Variants in POU2F1 observed in about 807,000 individuals in gnomAD.
POU2F1 encodes the protein POU class 2 homeobox 1.
In POU2F1, 16 loss-of-function variants were observed where a neutral mutation model predicts 84.9. That is an observed-to-expected ratio of 0.19 (90% CI 0.13 to 0.29). The LOEUF (loss-of-function observed/expected upper bound fraction) is 0.29, where lower values mean the gene tolerates loss of function less well. Ranked by LOEUF, POU2F1 falls within the 10% of genes least tolerant of loss-of-function variation. The pLI is 1.00. For synonymous variants in POU2F1, 368 were observed against 368.3 expected (o/e 1.00, Z 0.01); for missense variants, 738 against 942.6 (o/e 0.78, Z 2.84).
intron 13 of POU2F1, 81 bp downstream of exon 13, chr1:167,401,637 G>A: frequency 1.3e-6 from 1 of 788,600 alleles, no homozygotes; most frequent in Non-Finnish European, 1.9e-6. Context: ...CCATTAAATT[G>A]TGAATTAAGG....
At chr1:167,241,050 G>A (rs1649864677) in intron 1 of POU2F1, among the ~76,000 whole-genome samples, 2 of 152,158 alleles carry the variant, frequency 1.3e-5, no homozygotes, top group African/African-American at 4.8e-5. Flanking sequence ...GCTGAGGCGG[G>A]AGAATCACTT....
chr1:167,266,360 C>A (rs373218924), intron 1 of POU2F1, among the ~76,000 whole-genome samples: 17 of 152,090 alleles, frequency 1.1e-4, no homozygotes, highest in African/African-American at 3.4e-4. Context: ...GGTAGTAATT[C>A]TATTGTAAGG....
At chr1:167,357,388 CG>C (rs1557922308) in intron 2 of POU2F1, 3 of 91,046 alleles carry the variant, frequency 3.3e-5, no homozygotes, top group African/African-American at 1.3e-4. Context: ...CACCCCCCCC[CG>C]CTTCTTTGTG....
At chr1:167,283,763 A>G (rs1476552700) in intron 1 of POU2F1, among the ~76,000 whole-genome samples, 1 of 152,158 alleles carries the variant, frequency 6.6e-6, no homozygotes, top group East Asian at 1.9e-4. Flanking sequence ...TATTTTCTAT[A>G]GTTTGTACAG....
intron 13 of POU2F1, among the ~76,000 whole-genome samples, chr1:167,409,485 T>C (rs1271530088): frequency 6.6e-6 from 1 of 152,236 alleles, no homozygotes; most frequent in Admixed American, 6.5e-5. Flanking sequence ...GCCAAGAATT[T>C]ACAGTCATGA....
At chr1:167,285,613 T>C (rs1653474745) in intron 1 of POU2F1, among the ~76,000 whole-genome samples, 1 of 152,166 alleles carries the variant, frequency 6.6e-6, no homozygotes, top group African/African-American at 2.4e-5. Flanking sequence ...AAAAGTATTT[T>C]TAATAAAGGT....
chr1:167,297,934 A>G (rs1460458249), intron 1 of POU2F1, among the ~76,000 whole-genome samples: 1 of 152,106 alleles, frequency 6.6e-6, no homozygotes, highest in Admixed American at 6.5e-5. Context: ...AGCCTTACCA[A>G]TGTGGTGAAA....
chr1:167,274,483 A>T (rs1185765140), intron 1 of POU2F1, among the ~76,000 whole-genome samples: 1 of 152,128 alleles, frequency 6.6e-6, no homozygotes, highest in African/African-American at 2.4e-5. Flanking sequence ...ACAAATTTCT[A>T]TAGAACATGT....
chr1:167,229,989 A>C (rs2102337691), intron 1 of POU2F1, among the ~76,000 whole-genome samples: 1 of 152,354 alleles, frequency 6.6e-6, no homozygotes, highest in Non-Finnish European at 1.5e-5. Flanking sequence ...CCATCAAGGA[A>C]GTTCCCTTAT....
Position 167,416,246 on chromosome 1 carries a change from T to G in POU2F1, c.*436T>G. ...TTGTTTGTCTAAATTTCTTTTTTTC[T>G]TAAAAAAAAAAAATCATTTTTATGG... On this transcript the variant is annotated 3_prime_UTR_variant, in exon 16 of 16. Transcript: ENST00000367866. The G allele has an allele frequency of 3.3e-6, 1 of 306,532 alleles. No homozygotes were observed. The highest frequency in any genetic ancestry group is 6.2e-6 in the Non-Finnish European group (1 of 160,930). 19.0% of individuals were successfully genotyped at this position (306,532 alleles called of 1,614,324 possible).
chr1:167,376,680 G>A (rs2101860386), intron 7 of POU2F1: 1 of 152,344 alleles, frequency 6.6e-6, no homozygotes, highest in East Asian at 1.9e-4. Context: ...GTCAGTTAAT[G>A]TAATCAGGGT....
At chr1:167,282,809 T>C (rs1198173703) in intron 1 of POU2F1, among the ~76,000 whole-genome samples, 2 of 152,180 alleles carry the variant, frequency 1.3e-5, no homozygotes, top group Admixed American at 6.5e-5. Flanking sequence ...TCCTAGCAAA[T>C]GGGGTTAAAT....
chr1:167,310,975 CAGTGGA>C, intron 1 of POU2F1, among the ~76,000 whole-genome samples: 1 of 152,206 alleles, frequency 6.6e-6, no homozygotes, highest in African/African-American at 2.4e-5. Flanking sequence ...AACAAATAAT[CAGTGGA>C]CCCTCAGGGA....
In POU2F1 at chr1:167,415,737, A is replaced by C; in HGVS notation, c.2228A>C (p.Gln743Pro). 1 of 1,614,146 alleles carries C rather than the reference A, an allele frequency of 6.2e-7. No homozygotes were observed. Among genetic ancestry groups the C allele is most frequent in the Non-Finnish European group, 8.5e-7 (1 of 1,180,016 alleles). Residue 743 changes from glutamine (Q) to proline (P), a missense_variant, in exon 16 of 16, where the codon CAG becomes CCG. Gln to Pro is a moderately conservative substitution (Grantham distance 76). Around this residue, in one of 4 missense-constraint regions of POU2F1, gnomAD observed 319 missense variants for 386.0 expected, o/e 0.83. Transcript: ENST00000367866. ...HATSTSAESI[Q>P]NSLFTVASAS... ...ACCTCCACCTCTGCTGAGTCCATCC[A>C]GAACTCTCTCTTCACAGTGGCCTCT...
At chr1:167,376,810 C>CT (rs1445757311) in intron 7 of POU2F1, among the ~76,000 whole-genome samples, 1 of 151,966 alleles carries the variant, frequency 6.6e-6, no homozygotes, top group Non-Finnish European at 1.5e-5. Context: ...ATTCCAAAAT[C>CT]TTTTGTCATG....
chr1:167,329,364 G>C (rs1302536554), intron 1 of POU2F1: 2 of 1,521,582 alleles, frequency 1.3e-6, no homozygotes, highest in African/African-American at 2.8e-5. Flanking sequence ...GAGTGTGTCG[G>C]GTTGACTATG....
At chr1:167,276,449 G>GGT (rs1298687763) in intron 1 of POU2F1, among the ~76,000 whole-genome samples, 3 of 151,856 alleles carry the variant, frequency 2.0e-5, no homozygotes, top group Admixed American at 2.0e-4. Flanking sequence ...CTTAATCATA[G>GGT]GTATATATAT....
At chr1:167,260,328 C>T (rs945030094) in intron 1 of POU2F1, among the ~76,000 whole-genome samples, 3 of 152,118 alleles carry the variant, frequency 2.0e-5, no homozygotes, top group Admixed American at 1.3e-4. Flanking sequence ...TGTGATTCAT[C>T]TTTGTATTTT....
At chr1:167,411,670 A>G (rs568007908) in intron 13 of POU2F1, among the ~76,000 whole-genome samples, 42 of 152,242 alleles carry the variant, frequency 2.8e-4, no homozygotes, top group Non-Finnish European at 5.1e-4. Flanking sequence ...TGTATTCCAT[A>G]ATTAGAGCTT....
Sources: gnomAD v4.1 joint callset for allele counts (sites outside exome capture counted in the v4.1 genomes callset) on GRCh38, gnomAD v4.1.1 for gene constraint, gnomAD v4.1.1 regional missense constraint, MANE v1.5 for transcripts, NCBI Gene and HGNC (gene_info 2026-07-23, HGNC 2026-07-21) for gene names.